Variants in TASP1 observed in about 807,000 individuals in gnomAD.
TASP1 encodes threonine aspartase 1.
A neutral mutation model predicts 56.6 loss-of-function variants in TASP1; 16 were observed. That is an observed-to-expected ratio of 0.28 (90% CI 0.19 to 0.43). The LOEUF is 0.43. Among genes scored for constraint, TASP1 ranks in the 20% least tolerant of loss-of-function variants. The pLI is 1.00. For missense variants in TASP1, 393 were observed against 511.6 expected (o/e 0.77, Z 2.24); for synonymous variants, 179 against 184.2 (o/e 0.97, Z 0.23).
At chr20:13,313,445 A>C in the TASP1 span, among the ~76,000 whole-genome samples, 2 of 152,216 alleles carry the variant, frequency 1.3e-5, no homozygotes, top group African/African-American at 2.4e-5. Flanking sequence ...TAAGGTAAAC[A>C]CGGAGCCGTA....
intron 11 of TASP1, among the ~76,000 whole-genome samples, chr20:13,441,166 G>A (rs368692365): frequency 1.3e-5 from 2 of 152,012 alleles, no homozygotes; most frequent in Non-Finnish European, 2.9e-5. Context: ...CCACTGACAA[G>A]ACCCTCAATG....
chr20:13,279,500 C>G, the TASP1 span: 1 of 844,114 alleles, frequency 1.2e-6, no homozygotes, highest in African/African-American at 1.7e-5. Flanking sequence ...TGTGTATCGC[C>G]ATGCAATCTC....
the TASP1 span, among the ~76,000 whole-genome samples, chr20:13,291,624 T>A: frequency 6.6e-6 from 1 of 152,200 alleles, no homozygotes; most frequent in Non-Finnish European, 1.5e-5. Flanking sequence ...GGTGGTAGTT[T>A]GGGTGAGCCA....
At chr20:13,119,503 A>G in the TASP1 span, among the ~76,000 whole-genome samples, 1 of 152,212 alleles carries the variant, frequency 6.6e-6, no homozygotes, top group Non-Finnish European at 1.5e-5. Flanking sequence ...GAAAATTACC[A>G]TTATTTACAT....
At chr20:13,570,219 CTTG>C (rs2046665554) in intron 6 of TASP1, among the ~76,000 whole-genome samples, 1 of 151,992 alleles carries the variant, frequency 6.6e-6, no homozygotes. Flanking sequence ...ATATAAAAGA[CTTG>C]TTTTCAAAGA....
the TASP1 span, among the ~76,000 whole-genome samples, chr20:13,348,306 C>G: frequency 6.6e-6 from 1 of 152,152 alleles, no homozygotes; most frequent in South Asian, 2.1e-4. Flanking sequence ...GCTACTTTTA[C>G]TTTTAAGACA....
intron 13 of TASP1, among the ~76,000 whole-genome samples, chr20:13,399,393 C>T (rs926460816): frequency 1.3e-5 from 2 of 152,180 alleles, no homozygotes; most frequent in African/African-American, 2.4e-5. Context: ...TGATGCCTAA[C>T]AGGCATCTTG....
intron 11 of TASP1, among the ~76,000 whole-genome samples, chr20:13,460,376 G>T (rs1299055972): frequency 6.6e-6 from 1 of 152,010 alleles, no homozygotes; most frequent in Non-Finnish European, 1.5e-5. Context: ...TTTACCTTTG[G>T]AATGTTCCAG....
chr20:13,425,649 G>A (rs892247366), intron 12 of TASP1, among the ~76,000 whole-genome samples: 1 of 152,114 alleles, frequency 6.6e-6, no homozygotes. Context: ...CAAATGGCAC[G>A]CCCTGGGACA....
the TASP1 span, chr20:13,238,077 T>C: frequency 6.6e-6 from 1 of 152,048 alleles, no homozygotes; most frequent in Non-Finnish European, 1.5e-5. Flanking sequence ...ATCTTCTTTA[T>C]AGGACATCGT....
At chr20:13,536,970 T>A (rs536662383) in intron 8 of TASP1, among the ~76,000 whole-genome samples, 8 of 152,242 alleles carry the variant, frequency 5.3e-5, no homozygotes, top group African/African-American at 1.9e-4. Context: ...CTGGCGAGAA[T>A]GCTTACAATC....
the TASP1 span, among the ~76,000 whole-genome samples, chr20:13,224,712 A>G: frequency 6.6e-6 from 1 of 152,190 alleles, no homozygotes; most frequent in Non-Finnish European, 1.5e-5. Context: ...ACACATTCTT[A>G]TTTAAGGATA....
At chr20:13,303,763 A>G in the TASP1 span, among the ~76,000 whole-genome samples, 1 of 152,244 alleles carries the variant, frequency 6.6e-6, no homozygotes, top group Non-Finnish European at 1.5e-5. Flanking sequence ...ACAGCGGTGT[A>G]CAAATCAAAG....
intron 11 of TASP1, among the ~76,000 whole-genome samples, chr20:13,474,870 A>C (rs992535323): frequency 2.0e-5 from 3 of 152,038 alleles, no homozygotes; most frequent in Non-Finnish European, 4.4e-5. Context: ...TTTAATTTGC[A>C]TTTCCCTAAT....
chr20:13,126,261 C>T, the TASP1 span, among the ~76,000 whole-genome samples: 1 of 152,204 alleles, frequency 6.6e-6, no homozygotes, highest in East Asian at 1.9e-4. Flanking sequence ...GGGCACTGAA[C>T]ACAAAGTCAG....
chr20:13,138,483 C>T, the TASP1 span, among the ~76,000 whole-genome samples: 2 of 152,172 alleles, frequency 1.3e-5, no homozygotes, highest in Non-Finnish European at 2.9e-5. Flanking sequence ...GTCACACACA[C>T]CCCTAACCCA....
the TASP1 span, among the ~76,000 whole-genome samples, chr20:13,191,058 CCT>C: frequency 6.6e-6 from 1 of 151,876 alleles, no homozygotes; most frequent in Non-Finnish European, 1.5e-5. Context: ...TTATTTTGCC[CCT>C]GTTAAATTAT....
intron 13 of TASP1, among the ~76,000 whole-genome samples, chr20:13,397,030 A>C (rs1407093304): frequency 6.6e-6 from 1 of 152,234 alleles, no homozygotes; most frequent in East Asian, 1.9e-4. Flanking sequence ...CAGAGGCAAC[A>C]TCAGACAAGA....
the TASP1 span, among the ~76,000 whole-genome samples, chr20:13,365,878 T>C: frequency 6.6e-6 from 1 of 151,356 alleles, no homozygotes; most frequent in Non-Finnish European, 1.5e-5. Flanking sequence ...AGGCAGGGAG[T>C]CTAGTTAGAA....
Sources: gnomAD v4.1 joint callset for allele counts (sites outside exome capture counted in the v4.1 genomes callset) on GRCh38, gnomAD v4.1.1 for gene constraint, MANE v1.5 for transcripts, NCBI Gene and HGNC (gene_info 2026-07-23, HGNC 2026-07-21) for gene names.